The following PDE6B variants were observed in gnomAD, a reference collection of about 807,000 sequenced individuals.
PDE6B encodes the protein phosphodiesterase 6B.
In PDE6B, 106 loss-of-function variants were observed where a neutral mutation model predicts 109.0. The ratio of observed to expected loss-of-function variants is 0.97; its 90% CI spans 0.83 to 1.14. The LOEUF (loss-of-function observed/expected upper bound fraction) is 1.14, where lower values mean the gene tolerates loss of function less well. Ranked by LOEUF, PDE6B falls within the 50% of genes most tolerant of loss-of-function variation. The probability of loss-of-function intolerance (pLI) is 0.00; values close to 1 mark genes in which losing one functional copy is unlikely to be tolerated. For synonymous variants in PDE6B, 490 were observed against 471.3 expected (o/e 1.04, Z -0.51); for missense variants, 1,193 against 1,155.6 (o/e 1.03, Z -0.47).
chr4:666,268 G>A lies in PDE6B; in HGVS notation c.2269-263G>A, dbSNP rs1737788181. On this transcript the variant is annotated intron_variant, in intron 19 of 21. Coordinates refer to ENST00000496514, the MANE Select transcript of PDE6B (RefSeq NM_000283.4). The surrounding 1 kb of genome is among the most constrained non-coding windows in gnomAD (Gnocchi z 5.6). ...CTGCAGTAAGGGTCCCCAGAGCCAA[G>A]AGGGGGCTGCCCTCAGGGGACCACG... 6.6e-6 allele frequency among the ~76,000 whole-genome samples: 1 copy of A among 152,206 alleles called. No individual in the cohort carries two copies. Among genetic ancestry groups the A allele is most frequent in the South Asian group, 2.1e-4 (1 of 4,836 alleles).
In PDE6B at chr4:648,948, G is replaced by A. The variant is rs536818943; in HGVS notation, c.712-4904G>A. ...CAGGTCTGACTCCTGCCTCCTGTGA[G>A]GAAGCAGAGCCATTCAGAAGTGAGA... On this transcript the variant is annotated intron_variant, in intron 3 of 21. Coordinates refer to ENST00000496514, the MANE Select transcript of PDE6B (RefSeq NM_000283.4). The surrounding 1 kb of genome is among the most constrained non-coding windows in gnomAD (Gnocchi z 4.5). Among the ~76,000 whole-genome samples the A allele has an allele frequency of 1.8e-4, 28 of 152,360 alleles. No individual in the cohort carries two copies. Among genetic ancestry groups the A allele is most frequent in the African/African-American group, 6.7e-4 (28 of 41,592 alleles).
At chr4:639,135 T>G (rs1208390063) in intron 3 of PDE6B, among the ~76,000 whole-genome samples, 1 of 151,376 alleles carries the variant, frequency 6.6e-6, no homozygotes, top group African/African-American at 2.4e-5. Flanking sequence ...GCAGTTTTGT[T>G]TTTTTGGGGG....
chr4:657,474 G>T lies in PDE6B; in HGVS notation c.1381G>T (p.Asp461Tyr). Reference protein sequence around the residue: ...MVLYHVKCDRDEIQLILPTRA... With the variant: ...MVLYHVKCDRYEIQLILPTRA... ...CCTTTACCACGTGAAGTGCGACAGG[G>T]ACGAGATCCAGCTCATCCTGGTGCG... Residue 461 changes from aspartate (D) to tyrosine (Y), a missense_variant, in exon 10 of 22, where the codon GAC (aspartate) becomes TAC (tyrosine). Transcript: ENST00000496514. 2.5e-6 allele frequency: 4 copies of T among 1,613,340 alleles called. No homozygotes were observed. Among genetic ancestry groups the T allele is most frequent in the Non-Finnish European group, 3.4e-6 (4 of 1,179,906 alleles).
chr4:632,081 T>A (rs1227934838), intron 1 of PDE6B, among the ~76,000 whole-genome samples: 1 of 150,326 alleles, frequency 6.7e-6, no homozygotes, highest in African/African-American at 2.5e-5. Flanking sequence ...CACCATCTGC[T>A]ATCTCAGGGT....
In PDE6B at chr4:645,420, C is replaced by T. The variant is rs553395326; in HGVS notation, c.712-8432C>T. Reference sequence around the variant, plus strand: ...ACGCCATTCTCCTGCCTCAGCCTCCCGAGTAGCTGGGACTACAGGCGCCCG... The same window carrying T: ...ACGCCATTCTCCTGCCTCAGCCTCCTGAGTAGCTGGGACTACAGGCGCCCG... On this transcript the variant is annotated intron_variant, in intron 3 of 21. Coordinates refer to ENST00000496514, the MANE Select transcript of PDE6B (RefSeq NM_000283.4). Among the ~76,000 whole-genome samples the T allele has an allele frequency of 6.4e-3, 973 of 151,540 alleles. 10 individuals are homozygous for T. The highest frequency in any genetic ancestry group is 0.015 in the African/African-American group (611 of 41,096).
rs1735291672 is a variant in PDE6B, at chr4:648,008, G to C, written c.712-5844G>C. 6.6e-6 allele frequency among the ~76,000 whole-genome samples: 1 copy of C among 151,906 alleles called. No homozygotes were observed. Among genetic ancestry groups the C allele is most frequent in the East Asian group, 1.9e-4 (1 of 5,190 alleles). On this transcript the variant is annotated intron_variant, in intron 3 of 21. Transcript: ENST00000496514. This position sits in a 1 kb window ranked among gnomAD's most constrained non-coding sequence, Gnocchi z 4.5. ...GAAAATTGCTTGAACCCGGGAGGCAGAGGTAGCAGTGAGCCAAGATCGCGC... is the reference window on the plus strand; with the variant it reads ...GAAAATTGCTTGAACCCGGGAGGCACAGGTAGCAGTGAGCCAAGATCGCGC...
Position 666,587 on chromosome 4 carries a change from C to T in PDE6B, c.2325C>T (p.Ile775=), listed in dbSNP as rs373351939. The T allele has an allele frequency of 7.4e-5, 119 of 1,612,220 alleles. No individual in the cohort carries two copies. Among genetic ancestry groups the T allele is most frequent in the Non-Finnish European group, 9.3e-5 (110 of 1,178,604 alleles). Residue 775 remains isoleucine (I), a synonymous_variant, in exon 20 of 22, where the codon ATC becomes ATT. Transcript: ENST00000496514. This position sits in a 1 kb window ranked among gnomAD's most constrained non-coding sequence, Gnocchi z 5.6. ...TCCCCAAGCTGCAAGTGGGCTTCAT[C>T]GACTTCGTGTGCACATTCGTGTACA... ...AELPKLQVGF[I]DFVCTFVYKE...
chr4:656,371 C>T lies in PDE6B; in HGVS notation c.1107+79C>T, dbSNP rs922480602. 1.4e-5 allele frequency: 14 copies of T among 1,004,638 alleles called. 1 individual carries two copies. In the African/African-American group the frequency reaches 1.4e-4, roughly 10 times the overall value. The allele number at this position is 1,004,638 out of a possible 1,614,324, so 62.2% of individuals were successfully genotyped here. A position where few individuals can be genotyped will look rare whatever the true frequency, so the allele number is the denominator to read the frequency against. On this transcript the variant is annotated intron_variant, in intron 8 of 21. Transcript: ENST00000496514. ...TGATTCAGCGATGATGAAGTGAATT[C>T]GTTTTTGCCACTTAAAAAACAACTT...
chr4:664,648 T>C (rs544304776), intron 17 of PDE6B, among the ~76,000 whole-genome samples: 63 of 152,194 alleles, frequency 4.1e-4, no homozygotes, highest in African/African-American at 1.3e-3. Context: ...AAACCCCGTC[T>C]CTACCGAAAA....
At chr4:657,046 T>C (rs4549330) in intron 9 of PDE6B, 23 bp downstream of exon 9, 1 of 1,610,658 alleles carries the variant, frequency 6.2e-7, no homozygotes, top group Admixed American at 1.7e-5. Flanking sequence ...GCAGACGTGG[T>C]TCCGCCGGGG....
At chr4:653,722 C>G in intron 3 of PDE6B, 130 bp from the exon 4 acceptor site, 1 of 1,052,112 alleles carries the variant, frequency 9.5e-7, no homozygotes, top group Non-Finnish European at 1.4e-6. Flanking sequence ...GTGCCAGGCT[C>G]CACGGCTGGG....
intron 3 of PDE6B, 114 bp from the exon 4 acceptor site, chr4:653,738 G>C: frequency 8.6e-7 from 1 of 1,164,152 alleles, no homozygotes; most frequent in Non-Finnish European, 1.3e-6. Context: ...CTGGGCAGGT[G>C]GTCAGATCAG....
At chr4:639,454 C>T (rs566008204) in intron 3 of PDE6B, among the ~76,000 whole-genome samples, 9 of 152,248 alleles carry the variant, frequency 5.9e-5, no homozygotes, top group African/African-American at 2.2e-4. Context: ...TAGCAGCAAA[C>T]ATGAGGGAAT....
At chr4:654,198 G>C in intron 5 of PDE6B, 44 bp downstream of exon 5, 2 of 1,536,222 alleles carry the variant, frequency 1.3e-6, no homozygotes, top group Non-Finnish European at 1.8e-6. Context: ...ACACGCCTCT[G>C]TTTCCCTGAC....
rs560562569 is a variant in PDE6B at position 633,279 on chromosome 4, G to A, written c.469-1398G>A. ...AAGGGATGCTGGCTCCACTGCCCAC[G>A]CTGCCACCCCTGCCAGGGCTCACTC... On this transcript the variant is annotated intron_variant, in intron 1 of 21. Coordinates refer to ENST00000496514, the MANE Select transcript of PDE6B (RefSeq NM_000283.4). The surrounding 1 kb of genome is among the most constrained non-coding windows in gnomAD (Gnocchi z 4.5). 2.0e-5 allele frequency among the ~76,000 whole-genome samples: 3 copies of A among 152,242 alleles called. No homozygotes were observed. The highest frequency in any genetic ancestry group is 4.1e-4 in the South Asian group (2 of 4,822).
At chr4:667,152 G>A (rs1247026201) in intron 20 of PDE6B, among the ~76,000 whole-genome samples, 4 of 152,344 alleles carry the variant, frequency 2.6e-5, no homozygotes, top group Middle Eastern at 6.8e-3. Flanking sequence ...GAGACTCGAT[G>A]GGGCAGGGGT....
chr4:662,721 C>A lies in PDE6B; in HGVS notation c.1832+103C>A. 2 of 794,738 alleles carry A rather than the reference C, an allele frequency of 2.5e-6. No individual in the cohort carries two copies. Among genetic ancestry groups the A allele is most frequent in the Non-Finnish European group, 4.4e-6 (2 of 457,542 alleles). The allele number at this position is 794,738 out of a possible 1,614,324, so 49.2% of individuals were successfully genotyped here. ...CAGGCTATGTAGAAAGTGGAGTCCA[C>A]GGCCAGGCCCCGTACTCCAGCACTG... On this transcript the variant is annotated intron_variant, in intron 14 of 21. Coordinates refer to ENST00000496514, the MANE Select transcript of PDE6B (RefSeq NM_000283.4). This position sits in a 1 kb window ranked among gnomAD's most constrained non-coding sequence, Gnocchi z 4.3.
rs200284099 is a variant in PDE6B, at chr4:665,221, A to G, written c.2194-34A>G. Reference sequence around the variant, plus strand: ...CCCGGGCCCTTCCGCGTGGGCTCAGAGCTCCACAGACAGCTGCCTTCCTGT... The same window carrying G: ...CCCGGGCCCTTCCGCGTGGGCTCAGGGCTCCACAGACAGCTGCCTTCCTGT... On this transcript the variant is annotated intron_variant, in intron 18 of 21. Transcript: ENST00000496514. The surrounding 1 kb of genome is among the most constrained non-coding windows in gnomAD (Gnocchi z 4.0). The G allele has an allele frequency of 6.6e-5, 102 of 1,538,546 alleles. No homozygotes were observed. The Admixed American group carries it at 1.7e-3, about 26-fold the overall frequency.
intron 3 of PDE6B, chr4:653,322 G>A (rs1018449869): frequency 3.8e-5 from 40 of 1,050,310 alleles, no homozygotes; most frequent in Non-Finnish European, 4.1e-5. Context: ...GCCCTGGGGT[G>A]AGTCTGAGCC....
Sources: gnomAD v4.1 joint callset for allele counts (sites outside exome capture counted in the v4.1 genomes callset) on GRCh38, gnomAD v4.1.1 for gene constraint, Gnocchi (gnomAD v3.1) non-coding constraint, MANE v1.5 for transcripts, NCBI Gene and HGNC (gene_info 2026-07-23, HGNC 2026-07-21) for gene names.